KLF12: variants seen among roughly 807,000 people sequenced by gnomAD.
KLF12 encodes the protein Krueppel-like factor 12.
In KLF12, 9 loss-of-function variants were observed where a neutral mutation model predicts 37.8. That is an observed-to-expected ratio of 0.24 (90% CI 0.14 to 0.42). KLF12 has a LOEUF of 0.42. KLF12 is among the 10% of genes least tolerant of loss of function. The pLI is 1.00. For synonymous variants in KLF12, 208 were observed against 202.1 expected (o/e 1.03, Z -0.25); for missense variants, 411 against 516.0 (o/e 0.80, Z 1.97).
chr13:73,912,259 A>G (rs1377665811), intron 3 of KLF12, among the ~76,000 whole-genome samples: 1 of 152,106 alleles, frequency 6.6e-6, no homozygotes, highest in African/African-American at 2.4e-5. Flanking sequence ...GCCTTCCTTT[A>G]AGCAACTCCC....
chr13:73,779,790 T>C (rs1040933514), intron 5 of KLF12, among the ~76,000 whole-genome samples: 1 of 152,200 alleles, frequency 6.6e-6, no homozygotes, highest in Non-Finnish European at 1.5e-5. Context: ...ATAGCTAGCA[T>C]TAGAATTTAA....
chr13:74,196,623 T>C, the KLF12 span, among the ~76,000 whole-genome samples: 1 of 152,234 alleles, frequency 6.6e-6, no homozygotes, highest in African/African-American at 2.4e-5. Context: ...GCATCATGAG[T>C]TTCTGCTCCA....
intron 1 of KLF12, among the ~76,000 whole-genome samples, chr13:74,076,468 C>T (rs1174267326): frequency 6.6e-6 from 1 of 152,108 alleles, no homozygotes; most frequent in Non-Finnish European, 1.5e-5. Context: ...GAAAGGAACA[C>T]TGTGGTGTTC....
At chr13:73,776,869 C>G (rs1445005568) in intron 5 of KLF12, among the ~76,000 whole-genome samples, 2 of 152,024 alleles carry the variant, frequency 1.3e-5, no homozygotes, top group African/African-American at 4.8e-5. Flanking sequence ...CAGGAAGGAA[C>G]TGATTAAAAT....
the KLF12 span, among the ~76,000 whole-genome samples, chr13:74,154,051 C>T: frequency 1.4e-5 from 2 of 145,972 alleles, no homozygotes; most frequent in Admixed American, 1.4e-4. Flanking sequence ...CACGGTGAAA[C>T]CCCGTCTCTA....
the KLF12 span, among the ~76,000 whole-genome samples, chr13:74,250,999 C>T: frequency 6.6e-6 from 1 of 152,184 alleles, no homozygotes; most frequent in Non-Finnish European, 1.5e-5. Context: ...TGGATACAGC[C>T]ATGCCTGCTG....
intron 6 of KLF12, among the ~76,000 whole-genome samples, chr13:73,725,382 G>A (rs898484663): frequency 6.6e-6 from 1 of 152,164 alleles, no homozygotes; most frequent in African/African-American, 2.4e-5. Context: ...TTACAGGCGT[G>A]AGCCATCACG....
At chr13:74,062,728 C>A (rs1295959260) in intron 1 of KLF12, among the ~76,000 whole-genome samples, 1 of 152,160 alleles carries the variant, frequency 6.6e-6, no homozygotes, top group African/African-American at 2.4e-5. Context: ...AGAGCTGTGT[C>A]AGCAAAGGGC....
At chr13:73,713,038 T>G (rs1329405096) in intron 7 of KLF12, among the ~76,000 whole-genome samples, 1 of 152,224 alleles carries the variant, frequency 6.6e-6, no homozygotes, top group Non-Finnish European at 1.5e-5. Context: ...TCACAGGATA[T>G]GTTCCCTCAA....
chr13:74,141,209 A>G, the KLF12 span, among the ~76,000 whole-genome samples: 1 of 152,194 alleles, frequency 6.6e-6, no homozygotes, highest in Admixed American at 6.5e-5. Context: ...TGCTATTTTG[A>G]GGAAGGGGTA....
At chr13:74,132,708 G>T (rs1388524067) in intron 1 of KLF12, among the ~76,000 whole-genome samples, 3 of 152,182 alleles carry the variant, frequency 2.0e-5, no homozygotes, top group Non-Finnish European at 4.4e-5. Context: ...GAAGCGCAGG[G>T]TGAAGGGGGT....
intron 6 of KLF12, among the ~76,000 whole-genome samples, chr13:73,724,650 G>C (rs1305674141): frequency 6.6e-6 from 1 of 152,030 alleles, no homozygotes; most frequent in Non-Finnish European, 1.5e-5. Flanking sequence ...CTTACTCTTT[G>C]AATACTCTGT....
At chr13:73,806,052 G>A (rs979018614) in intron 5 of KLF12, among the ~76,000 whole-genome samples, 2 of 151,670 alleles carry the variant, frequency 1.3e-5, no homozygotes, top group East Asian at 1.9e-4. Flanking sequence ...ACACTGCCTC[G>A]GCCTCTCAAA....
intron 1 of KLF12, among the ~76,000 whole-genome samples, chr13:74,121,136 G>C (rs1877612896): frequency 6.6e-6 from 1 of 152,064 alleles, no homozygotes; most frequent in African/African-American, 2.4e-5. Context: ...CCTAATAACA[G>C]AGTTTCAAAA....
chr13:73,712,809 T>A (rs1000074299), intron 7 of KLF12, among the ~76,000 whole-genome samples: 2 of 152,276 alleles, frequency 1.3e-5, no homozygotes, highest in Non-Finnish European at 2.9e-5. Context: ...AAGGCTCAGA[T>A]GACTGTTAGT....
the KLF12 span, among the ~76,000 whole-genome samples, chr13:74,298,241 C>T: frequency 1.3e-5 from 2 of 152,058 alleles, no homozygotes; most frequent in African/African-American, 4.8e-5. Flanking sequence ...AAATACTTTT[C>T]AGAGGAATTT....
At chr13:73,954,404 T>C (rs1221887703) in intron 2 of KLF12, among the ~76,000 whole-genome samples, 1 of 152,052 alleles carries the variant, frequency 6.6e-6, no homozygotes, top group Non-Finnish European at 1.5e-5. Context: ...ATGGTATTGG[T>C]TTCTAGTGGA....
the KLF12 span, among the ~76,000 whole-genome samples, chr13:74,144,959 C>T: frequency 6.6e-6 from 1 of 152,050 alleles, no homozygotes; most frequent in Non-Finnish European, 1.5e-5. Flanking sequence ...TATTACACTA[C>T]CCACCCCACC....
At chr13:73,904,492 T>TC (rs1888186155) in intron 3 of KLF12, among the ~76,000 whole-genome samples, 1 of 134,340 alleles carries the variant, frequency 7.4e-6, no homozygotes, top group Non-Finnish European at 1.6e-5. Context: ...TTTTTTTTTT[T>TC]ACTAATTCAG....
Sources: allele counts gnomAD v4.1 joint callset (sites outside exome capture counted in the v4.1 genomes callset), GRCh38; gene constraint gnomAD v4.1.1; transcripts MANE v1.5; gene names NCBI Gene and HGNC (gene_info 2026-07-23, HGNC 2026-07-21).